Variants in PEPD observed in about 807,000 individuals in gnomAD.
PEPD encodes peptidase D.
PEPD carries 53 observed loss-of-function variants against 60.7 expected under a neutral mutation model. The observed-to-expected ratio is 0.87, with a 90% CI of 0.70 to 1.10. The LOEUF is 1.10. Among genes scored for constraint, PEPD ranks in the 50% least tolerant of loss-of-function variants. The pLI is 0.00. For synonymous variants in PEPD, 267 were observed against 284.1 expected, an observed-to-expected ratio of 0.94 and a Z score of 0.60; for missense variants, 711 against 711.9, an observed-to-expected ratio of 1.00 and a Z score of 0.01.
chr19:33,521,687 G>A, intron 1 of PEPD, 57 bp downstream of exon 1: 1 of 1,542,604 alleles, frequency 6.5e-7, no homozygotes, highest in Non-Finnish European at 8.8e-7. Flanking sequence ...GTCCGGCCGG[G>A]ACACCCATGC....
At chr19:33,391,195 A>G in intron 13 of PEPD, 100 bp downstream of exon 13, 1 of 963,184 alleles carries the variant, frequency 1.0e-6, no homozygotes. Flanking sequence ...CTGCCATCCC[A>G]ATACACGCCT....
intron 11 of PEPD, among the ~76,000 whole-genome samples, chr19:33,410,447 T>C (rs1425200874): frequency 6.6e-6 from 1 of 152,168 alleles, no homozygotes; most frequent in African/African-American, 2.4e-5. Flanking sequence ...TGTCTGTCCA[T>C]AGGTCTGGGC....
chr19:33,399,685 C>T (rs1309799401), intron 12 of PEPD, among the ~76,000 whole-genome samples: 2 of 152,308 alleles, frequency 1.3e-5, no homozygotes, highest in South Asian at 2.1e-4. Flanking sequence ...ATCCCAGCAA[C>T]GGGCTGTGGG....
chr19:33,466,408 T>G (rs930587242), intron 7 of PEPD, among the ~76,000 whole-genome samples: 7 of 152,230 alleles, frequency 4.6e-5, no homozygotes, highest in African/African-American at 1.7e-4. Flanking sequence ...ATAATTTGTG[T>G]CTGAATGCAG....
chr19:33,414,555 T>C (rs973927472), intron 9 of PEPD, among the ~76,000 whole-genome samples: 1 of 152,260 alleles, frequency 6.6e-6, no homozygotes, highest in Non-Finnish European at 1.5e-5. Flanking sequence ...CTGGTCCACC[T>C]GCCACCACGT....
At chr19:33,476,642 G>A (rs1236574401) in intron 7 of PEPD, among the ~76,000 whole-genome samples, 1 of 152,096 alleles carries the variant, frequency 6.6e-6, no homozygotes, top group East Asian at 1.9e-4. Flanking sequence ...TCTCTAGTCT[G>A]AGGCCAAAAT....
intron 3 of PEPD, among the ~76,000 whole-genome samples, chr19:33,508,390 G>C (rs1346544270): frequency 6.6e-6 from 1 of 151,942 alleles, no homozygotes; most frequent in Non-Finnish European, 1.5e-5. Context: ...GCAGAAAGCA[G>C]ACCTAAACTC....
chr19:33,499,902 G>A (rs1970677188), intron 4 of PEPD, among the ~76,000 whole-genome samples: 1 of 152,170 alleles, frequency 6.6e-6, no homozygotes, highest in African/African-American at 2.4e-5. Flanking sequence ...TCACAGCACT[G>A]TGTCTGGCCA....
intron 11 of PEPD, 112 bp downstream of exon 11, chr19:33,411,560 G>A: frequency 1.4e-6 from 1 of 718,292 alleles, no homozygotes; most frequent in Non-Finnish European, 2.6e-6. Context: ...GGGACTTGCT[G>A]TGGTCAGCCC....
chr19:33,422,024 G>A (rs1969030521), intron 9 of PEPD, among the ~76,000 whole-genome samples: 1 of 151,994 alleles, frequency 6.6e-6, no homozygotes, highest in Non-Finnish European at 1.5e-5. Context: ...AGAATCACAG[G>A]ACTCCTCTGC....
intron 12 of PEPD, among the ~76,000 whole-genome samples, chr19:33,392,404 GCTT>G (rs1310077456): frequency 2.6e-5 from 4 of 152,230 alleles, no homozygotes; most frequent in Non-Finnish European, 2.9e-5. Flanking sequence ...CCTCATGGTA[GCTT>G]CCACTGCTGG....
At chr19:33,467,025 C>T (rs1290051798) in intron 7 of PEPD, among the ~76,000 whole-genome samples, 8 of 151,536 alleles carry the variant, frequency 5.3e-5, no homozygotes, top group African/African-American at 7.3e-5. Context: ...GGCATGGTGG[C>T]GGGCGCCTGT....
At chr19:33,459,073 C>T (rs537804007) in intron 9 of PEPD, among the ~76,000 whole-genome samples, 16 of 152,134 alleles carry the variant, frequency 1.1e-4, no homozygotes, top group South Asian at 1.0e-3. Context: ...AAGGGACTGA[C>T]GGGGACAGGA....
At chr19:33,458,009 GGTATGTCA>G (rs1969839538) in intron 9 of PEPD, among the ~76,000 whole-genome samples, 1 of 152,196 alleles carries the variant, frequency 6.6e-6, no homozygotes, top group Non-Finnish European at 1.5e-5. Flanking sequence ...GTATGTATGT[GGTATGTCA>G]ATGGGTGTGG....
intron 9 of PEPD, among the ~76,000 whole-genome samples, chr19:33,440,729 T>G (rs1020720582): frequency 2.0e-5 from 3 of 152,224 alleles, no homozygotes; most frequent in Admixed American, 6.5e-5. Flanking sequence ...CTGGTCACTA[T>G]TGAATGCACT....
chr19:33,483,857 C>T (rs1049338201), intron 6 of PEPD, among the ~76,000 whole-genome samples: 7 of 152,076 alleles, frequency 4.6e-5, no homozygotes, highest in African/African-American at 1.7e-4. Flanking sequence ...AAAGACCTGC[C>T]CCATCTTAGG....
chr19:33,408,330 C>T (rs898264626), intron 11 of PEPD, among the ~76,000 whole-genome samples: 3 of 152,244 alleles, frequency 2.0e-5, no homozygotes, highest in African/African-American at 7.2e-5. Context: ...CTGCCCAGCT[C>T]GGTGAGGACA....
chr19:33,413,505 C>T (rs1482218972), intron 10 of PEPD, 70 bp downstream of exon 10: 7 of 836,012 alleles, frequency 8.4e-6, no homozygotes, highest in Middle Eastern at 6.7e-4. Flanking sequence ...GATGGTGGAG[C>T]CCCCCACTCA....
intron 9 of PEPD, among the ~76,000 whole-genome samples, chr19:33,437,769 G>A (rs1254362927): frequency 1.3e-5 from 2 of 152,174 alleles, no homozygotes; most frequent in Non-Finnish European, 2.9e-5. Flanking sequence ...TTGGGGGGGC[G>A]GTGGTGTCAG....
Sources: gnomAD v4.1 joint callset for allele counts (sites outside exome capture counted in the v4.1 genomes callset) on GRCh38, gnomAD v4.1.1 for gene constraint, MANE v1.5 for transcripts, NCBI Gene and HGNC (gene_info 2026-07-23, HGNC 2026-07-21) for gene names.